Variants in AGAP3 observed in about 807,000 individuals in gnomAD.
AGAP3 encodes ArfGAP with GTPase domain, ankyrin repeat and PH domain 3, also known as arf-GAP with GTPase, ANK repeat and PH domain-containing protein 3.
In AGAP3, 24 loss-of-function variants were observed where a neutral mutation model predicts 96.9. The observed-to-expected ratio is 0.25, with a 90% CI of 0.18 to 0.35. The LOEUF is 0.35. AGAP3 is among the 10% of genes least tolerant of loss of function. The pLI is 1.00. For synonymous variants in AGAP3, 563 were observed against 536.1 expected (o/e 1.05, Z -0.69); for missense variants, 876 against 1,254.2 (o/e 0.70, Z 4.55).
Position 151,118,446 on chromosome 7 carries a change from C to T in AGAP3, c.842-59C>T, listed in dbSNP as rs534604967. The T allele has an allele frequency of 6.9e-6, 11 of 1,602,934 alleles. No homozygotes were observed. In the South Asian group the frequency reaches 8.8e-5, roughly 13 times the overall value. On this transcript the variant is annotated intron_variant, in intron 6 of 17. Transcript: ENST00000397238. The surrounding 1 kb of genome is among the most constrained non-coding windows in gnomAD (Gnocchi z 6.1). ...AAGGCTGTGTGTCTGGGGGGAGGTG[C>T]TAAGCCAGGCTTTTCCCTTCTCTCC...
chr7:151,101,363 G>A (rs554391923), intron 1 of AGAP3, among the ~76,000 whole-genome samples: 3 of 152,338 alleles, frequency 2.0e-5, no homozygotes, highest in South Asian at 4.1e-4. Context: ...GTCTCCTTCT[G>A]AGGCGGGTGT....
chr7:151,135,472 C>T lies in AGAP3; in HGVS notation c.1495+904C>T, dbSNP rs576490474. On this transcript the variant is annotated intron_variant, in intron 11 of 17. Transcript: ENST00000397238. ...CTTAGTGGACAGGTGGTTGGGGATACGACATCCAGTCCCCTGGAATGGATG... is the reference window on the plus strand; with the variant it reads ...CTTAGTGGACAGGTGGTTGGGGATATGACATCCAGTCCCCTGGAATGGATG... 1.2e-4 allele frequency among the ~76,000 whole-genome samples: 18 copies of T among 152,292 alleles called. No homozygotes were observed. In the South Asian group the frequency reaches 2.5e-3, roughly 21 times the overall value.
chr7:151,124,864 C>T (rs981227422), intron 9 of AGAP3, among the ~76,000 whole-genome samples: 2 of 152,192 alleles, frequency 1.3e-5, no homozygotes, highest in Non-Finnish European at 2.9e-5. Context: ...CAGGGTCCCA[C>T]AGGGTCCCAT....
chr7:151,126,413 A>G (rs1224945569), intron 9 of AGAP3, among the ~76,000 whole-genome samples: 5 of 62,584 alleles, frequency 8.0e-5, no homozygotes, highest in African/African-American at 4.7e-4. Flanking sequence ...CTCCTGCTGA[A>G]GGCTGGGAGA....
chr7:151,093,620 G>A lies in AGAP3; in HGVS notation c.331+6548G>A, dbSNP rs79529958. Reference sequence around the variant, plus strand: ...TCCTTCTGGTCTTTTTTCTATTAACGACTCTTTGCTGGATTTGCTGTTACT... The same window carrying A: ...TCCTTCTGGTCTTTTTTCTATTAACAACTCTTTGCTGGATTTGCTGTTACT... On this transcript the variant is annotated intron_variant, in intron 1 of 17. Transcript: ENST00000397238. 4.8e-3 allele frequency among the ~76,000 whole-genome samples: 729 copies of A among 152,228 alleles called. 13 individuals carry two copies. Among genetic ancestry groups the A allele is most frequent in the African/African-American group, 0.017 (690 of 41,528 alleles).
chr7:151,090,992 C>A (rs1251311217), intron 1 of AGAP3, among the ~76,000 whole-genome samples: 1 of 152,198 alleles, frequency 6.6e-6, no homozygotes, highest in Non-Finnish European at 1.5e-5. Context: ...GCCCTGGCAT[C>A]CCACAGCCCT....
chr7:151,120,583 T>G, intron 8 of AGAP3: 1 of 1,274,922 alleles, frequency 7.8e-7, no homozygotes, highest in Non-Finnish European at 1.0e-6. Flanking sequence ...CTGGCCCAGC[T>G]AGAGTCAGAG....
At chr7:151,110,078 C>T (rs374554874) in intron 1 of AGAP3, among the ~76,000 whole-genome samples, 212 of 152,318 alleles carry the variant, frequency 1.4e-3, no homozygotes, top group African/African-American at 4.7e-3. Flanking sequence ...CTCCAGGGTG[C>T]GCCGTGCCTT....
chr7:151,113,884 A>G (rs1799410598), intron 1 of AGAP3, among the ~76,000 whole-genome samples: 1 of 152,112 alleles, frequency 6.6e-6, no homozygotes, highest in Non-Finnish European at 1.5e-5. Context: ...GAGTGTTTTC[A>G]TTTACAGAAC....
At chr7:151,117,011 C>G in intron 2 of AGAP3, 84 bp from the exon 3 acceptor site, 2 of 1,506,170 alleles carry the variant, frequency 1.3e-6, no homozygotes, top group Non-Finnish European at 1.8e-6. Context: ...CTTTCTCCCT[C>G]CTGCTGCTTC....
intron 8 of AGAP3, chr7:151,122,935 C>A: frequency 1.4e-6 from 2 of 1,451,846 alleles, no homozygotes; most frequent in South Asian, 1.4e-5. Flanking sequence ...ACTAACCCCA[C>A]CCCCAGGGAA....
chr7:151,122,547 T>TCTCCTCCTC (rs1442372603), intron 8 of AGAP3, among the ~76,000 whole-genome samples: 23 of 150,074 alleles, frequency 1.5e-4, no homozygotes, highest in African/African-American at 5.4e-4. Flanking sequence ...TCCTCCTCCT[T>TCTCCTCCTC]CTCCTCCTCC....
intron 1 of AGAP3, 109 bp downstream of exon 1, chr7:151,087,181 C>A: frequency 8.5e-7 from 1 of 1,175,040 alleles, no homozygotes; most frequent in Non-Finnish European, 1.2e-6. Context: ...GGGGTCCTTG[C>A]GCGCTTGAGG....
chr7:151,112,774 AT>A (rs1218722809), intron 1 of AGAP3, among the ~76,000 whole-genome samples: 3 of 151,186 alleles, frequency 2.0e-5, no homozygotes, highest in African/African-American at 7.3e-5. Context: ...AATTTTTCAT[AT>A]TTTTTTTGTA....
chr7:151,115,102 G>A (rs1258502471), intron 1 of AGAP3: 14 of 1,029,260 alleles, frequency 1.4e-5, no homozygotes, highest in South Asian at 3.4e-5. Context: ...CCGACCCGGC[G>A]CAGCCGCACC....
chr7:151,110,361 C>A (rs999629837), intron 1 of AGAP3, among the ~76,000 whole-genome samples: 5 of 152,184 alleles, frequency 3.3e-5, no homozygotes, highest in Admixed American at 1.3e-4. Context: ...GTCAGCCTCC[C>A]AAGGAAGGGA....
intron 8 of AGAP3, chr7:151,122,892 T>C (rs2150492014): frequency 6.5e-7 from 1 of 1,535,804 alleles, no homozygotes; most frequent in Non-Finnish European, 8.7e-7. Context: ...GCCGCCGAGC[T>C]CCCCACTCCA....
chr7:151,132,999 G>A (rs762584918), intron 10 of AGAP3, among the ~76,000 whole-genome samples: 3 of 152,194 alleles, frequency 2.0e-5, no homozygotes, highest in Non-Finnish European at 4.4e-5. Flanking sequence ...TGGCCAGTGC[G>A]GTAAAGGTGA....
intron 1 of AGAP3, among the ~76,000 whole-genome samples, chr7:151,097,374 A>G (rs2150414667): frequency 6.6e-6 from 1 of 151,972 alleles, no homozygotes; most frequent in Middle Eastern, 3.4e-3. Context: ...CTACTAAAAA[A>G]TACAAAAATT....
Sources: allele counts gnomAD v4.1 joint callset (sites outside exome capture counted in the v4.1 genomes callset), GRCh38; gene constraint gnomAD v4.1.1; non-coding constraint Gnocchi (gnomAD v3.1); transcripts MANE v1.5; gene names NCBI Gene and HGNC (gene_info 2026-07-23, HGNC 2026-07-21).